SENP2: variants seen among roughly 807,000 people sequenced by gnomAD.
The protein encoded by SENP2 is sentrin-specific protease 2.
A neutral mutation model predicts 86.3 loss-of-function variants in SENP2; 16 were observed. The ratio of observed to expected loss-of-function variants is 0.19; its 90% confidence interval spans 0.13 to 0.28. The LOEUF (loss-of-function observed/expected upper bound fraction) is 0.28. Among genes scored for constraint, SENP2 ranks in the 10% least tolerant of loss-of-function variants. The probability of loss-of-function intolerance (pLI) is 1.00; values close to 1 mark genes in which losing one functional copy is unlikely to be tolerated. For synonymous variants in SENP2, 222 were observed against 238.7 expected (o/e 0.93, Z 0.64); for missense variants, 552 against 703.0 (o/e 0.79, Z 2.43).
intron 14 of SENP2, among the ~76,000 whole-genome samples, chr3:185,623,302 G>A (rs551798964): frequency 5.3e-5 from 8 of 151,478 alleles, no homozygotes; most frequent in African/African-American, 1.5e-4. Context: ...CACCACGCCC[G>A]GCTAATTTTG....
In SENP2 at chr3:185,629,772, TTC is replaced by T; in HGVS notation, c.1708-8_1708-7del. The T allele has an allele frequency of 1.2e-6, 2 of 1,613,980 alleles. No homozygotes were observed. The highest frequency in any genetic ancestry group is 1.7e-6 in the Non-Finnish European group (2 of 1,179,912). ...TGTAATGCGGGCGTTGTTTATGGGGTTCTTTGCAGCACCAGATGCCTCTCTTC... is the reference window on the plus strand; with the variant it reads ...TGTAATGCGGGCGTTGTTTATGGGGTTTTGCAGCACCAGATGCCTCTCTTC... On this transcript the variant is annotated splice_region_variant and splice_polypyrimidine_tract_variant and intron_variant, in intron 16 of 16. Coordinates refer to ENST00000296257, the MANE Select transcript of SENP2 (RefSeq NM_021627.3).
intron 5 of SENP2, among the ~76,000 whole-genome samples, chr3:185,605,829 A>AGTCT: frequency 6.6e-6 from 1 of 152,234 alleles, no homozygotes; most frequent in South Asian, 2.1e-4. Flanking sequence ...CAGTTCCTTT[A>AGTCT]GTGTTTATTA....
chr3:185,604,880 C>T (rs541749612), intron 5 of SENP2, among the ~76,000 whole-genome samples: 9 of 151,386 alleles, frequency 5.9e-5, no homozygotes, highest in Admixed American at 1.3e-4. Flanking sequence ...CTCAGTCTCT[C>T]GAGTAGCTGG....
intron 10 of SENP2, 76 bp from the exon 11 acceptor site, chr3:185,614,488 A>G: frequency 1.5e-6 from 2 of 1,347,212 alleles, no homozygotes; most frequent in Non-Finnish European, 2.0e-6. Context: ...TGGCAGTTTT[A>G]TATTTCATGT....
At chr3:185,617,200 G>A (rs980829656) in intron 11 of SENP2, among the ~76,000 whole-genome samples, 1 of 152,122 alleles carries the variant, frequency 6.6e-6, no homozygotes, top group African/African-American at 2.4e-5. Flanking sequence ...TGGTGCAGTG[G>A]CTCATGCCTA....
chr3:185,622,554 T>A (rs1346476465), intron 14 of SENP2, among the ~76,000 whole-genome samples: 4 of 152,138 alleles, frequency 2.6e-5, no homozygotes, highest in African/African-American at 9.7e-5. Context: ...TAAAATATTA[T>A]TTTTATTTAT....
intron 2 of SENP2, among the ~76,000 whole-genome samples, chr3:185,596,425 G>A (rs1326638822): frequency 6.6e-6 from 1 of 152,018 alleles, no homozygotes; most frequent in Non-Finnish European, 1.5e-5. Context: ...TTCCAGACCA[G>A]CCTGGGCAAC....
Position 185,619,328 on chromosome 3 carries a change from G to A in SENP2, c.1272G>A (p.Val424=). ...TTAATTTTTACATGAATCTTCTGGT[G>A]GAAAGAAATAAAAAGCAAGGCTATC... is the stretch of plus-strand genomic sequence containing the variant. ...EVINFYMNLL[V]ERNKKQGYPA... The change falls in exon 13 of 17, where the codon GTG becomes GTA. Residue 424 remains valine (V), a synonymous_variant. Transcript: ENST00000296257. The A allele has an allele frequency of 6.2e-7, 1 of 1,613,736 alleles. No homozygotes were observed. The highest frequency in any genetic ancestry group is 1.1e-5 in the South Asian group (1 of 91,074).
chr3:185,611,483 AG>A (rs1329653852), intron 7 of SENP2, 167 bp from the exon 8 acceptor site: 4 of 474,578 alleles, frequency 8.4e-6, no homozygotes, highest in African/African-American at 7.8e-5. Context: ...AATCATGATT[AG>A]ACTCCTTTTA....
chr3:185,628,851 G>T (rs1283914649), intron 16 of SENP2, among the ~76,000 whole-genome samples: 2 of 152,182 alleles, frequency 1.3e-5, no homozygotes, highest in Non-Finnish European at 1.5e-5. Flanking sequence ...GTTGTACTAC[G>T]GGTAATTTTG....
intron 14 of SENP2, 95 bp downstream of exon 14, chr3:185,622,000 GT>G: frequency 1.4e-6 from 1 of 715,790 alleles, no homozygotes; most frequent in South Asian, 1.9e-5. Flanking sequence ...CTAATGTGTA[GT>G]TAAGGCTATT....
rs1362116921 is a variant in SENP2 at position 185,632,104 on chromosome 3, T to A, written c.*2260T>A. ...TTGGCATAAGGAAACATGTTAGTAA[T>A]ATAGTTTTTTAGATCCAAACAGTTT... is the stretch of plus-strand genomic sequence containing the variant. On this transcript the variant is annotated 3_prime_UTR_variant, in exon 17 of 17. Coordinates refer to ENST00000296257, the MANE Select transcript of SENP2 (RefSeq NM_021627.3). 7 of 151,928 alleles carry A rather than the reference T, an allele frequency of 4.6e-5. No individual in the cohort carries two copies. The East Asian group carries it at 1.4e-3, about 29-fold the overall frequency. The allele number at this position is 151,928 out of a possible 1,614,324, so 9.4% of individuals were successfully genotyped here.
intron 16 of SENP2, among the ~76,000 whole-genome samples, chr3:185,628,599 C>T (rs9833463): frequency 0.058 from 8,906 of 152,246 alleles, 376 homozygotes; most frequent in South Asian, 0.089. Context: ...CTCCGCCTCC[C>T]GGGTTCAAGC....
In SENP2 at chr3:185,606,327, C is replaced by G. The variant is rs1482394119; in HGVS notation, c.450-3C>G. 1.5e-5 allele frequency: 24 copies of G among 1,575,652 alleles called. No homozygotes were observed. The highest frequency in any genetic ancestry group is 2.0e-5 in the Non-Finnish European group (23 of 1,166,496). ...TTTTTTTCTTTTTTTTTCTGTTGCT[C>G]AGTTTTACTTTGAACTCAGAAGGCT... On this transcript the variant is annotated splice_polypyrimidine_tract_variant and splice_region_variant and intron_variant, in intron 5 of 16. Transcript: ENST00000296257.
chr3:185,607,817 C>T (rs372713428), intron 6 of SENP2, among the ~76,000 whole-genome samples: 17 of 152,296 alleles, frequency 1.1e-4, no homozygotes, highest in Admixed American at 3.3e-4. Context: ...TGAGCCACCG[C>T]GTCCAGTCAT....
intron 15 of SENP2, among the ~76,000 whole-genome samples, chr3:185,625,613 T>C (rs1478010392): frequency 6.6e-6 from 1 of 152,104 alleles, no homozygotes; most frequent in Non-Finnish European, 1.5e-5. Flanking sequence ...CTTTGGCTTA[T>C]TATGCTCTTA....
At chr3:185,604,201 A>G (rs1007125618) in intron 5 of SENP2, among the ~76,000 whole-genome samples, 2 of 152,246 alleles carry the variant, frequency 1.3e-5, no homozygotes, top group African/African-American at 4.8e-5. Flanking sequence ...ATTTAGAAGG[A>G]TAGAAATATG....
At chr3:185,608,729 A>T (rs953034517) in intron 6 of SENP2, among the ~76,000 whole-genome samples, 1 of 152,198 alleles carries the variant, frequency 6.6e-6, no homozygotes, top group African/African-American at 2.4e-5. Context: ...GAGACAGAGA[A>T]AAAAGAATCA....
At chr3:185,605,228 G>A (rs897642761) in intron 5 of SENP2, among the ~76,000 whole-genome samples, 35 of 151,288 alleles carry the variant, frequency 2.3e-4, no homozygotes, top group African/African-American at 7.5e-4. Context: ...AAAATTAGCC[G>A]GGCGTGGTGG....
Sources: allele counts gnomAD v4.1 joint callset (sites outside exome capture counted in the v4.1 genomes callset), GRCh38; gene constraint gnomAD v4.1.1; transcripts MANE v1.5; gene names NCBI Gene and HGNC (gene_info 2026-07-23, HGNC 2026-07-21).